Variants in SOX5 observed in about 807,000 individuals in gnomAD.
The protein encoded by SOX5 is transcription factor SOX-5.
Under a neutral mutation model 92.0 loss-of-function variants are expected in SOX5, and 9 were observed. That is an observed-to-expected ratio of 0.10 (90% CI 0.06 to 0.17). The LOEUF is 0.17. SOX5 is among the 10% of genes least tolerant of loss of function. The pLI, the probability that SOX5 is intolerant of heterozygous loss-of-function variation, is 1.00. For synonymous variants in SOX5, 344 were observed against 336.3 expected (o/e 1.02, Z -0.25); for missense variants, 642 against 944.5 (o/e 0.68, Z 4.20).
At chr12:23,841,446 C>T (rs2096514153) in intron 3 of SOX5, among the ~76,000 whole-genome samples, 1 of 152,040 alleles carries the variant, frequency 6.6e-6, no homozygotes, top group Non-Finnish European at 1.5e-5. Flanking sequence ...CCAGCATTCA[C>T]ATTCCCCAAT....
At chr12:24,375,594 G>A (rs986634411) in intron 1 of SOX5, among the ~76,000 whole-genome samples, 2 of 151,722 alleles carry the variant, frequency 1.3e-5, no homozygotes, top group African/African-American at 4.8e-5. Context: ...AAATTAGCTG[G>A]GCATGGTGGT....
intron 4 of SOX5, among the ~76,000 whole-genome samples, chr12:23,742,425 A>G (rs907546866): frequency 2.0e-5 from 3 of 152,158 alleles, no homozygotes; most frequent in Admixed American, 6.6e-5. Context: ...AATTTATTAT[A>G]TCTCAGATAT....
intron 4 of SOX5, among the ~76,000 whole-genome samples, chr12:24,179,651 A>C (rs1375752115): frequency 6.6e-6 from 1 of 152,190 alleles, no homozygotes; most frequent in African/African-American, 2.4e-5. Context: ...GATATTCAAC[A>C]CTTTATTTGA....
At chr12:23,674,302 T>C (rs1268415268) in intron 6 of SOX5, among the ~76,000 whole-genome samples, 1 of 150,840 alleles carries the variant, frequency 6.6e-6, no homozygotes, top group South Asian at 2.1e-4. Context: ...ACTAACGAAA[T>C]TAATTCCTAA....
intron 9 of SOX5, among the ~76,000 whole-genome samples, chr12:23,585,366 A>G (rs1950578242): frequency 6.6e-6 from 1 of 152,176 alleles, no homozygotes; most frequent in Non-Finnish European, 1.5e-5. Context: ...TAACAAAGCC[A>G]TTGTCAGGAA....
intron 6 of SOX5, among the ~76,000 whole-genome samples, chr12:23,715,616 T>C (rs774534705): frequency 6.6e-6 from 1 of 152,114 alleles, no homozygotes; most frequent in East Asian, 1.9e-4. Context: ...CATTAGTAGT[T>C]ATCCACTAAA....
chr12:24,005,428 A>G (rs567580718), intron 4 of SOX5, among the ~76,000 whole-genome samples: 2 of 152,252 alleles, frequency 1.3e-5, no homozygotes, highest in African/African-American at 2.4e-5. Flanking sequence ...ACATTTGCCC[A>G]CATTCTAATG....
intron 4 of SOX5, among the ~76,000 whole-genome samples, chr12:24,117,663 C>T (rs557579194): frequency 3.9e-5 from 6 of 152,092 alleles, no homozygotes; most frequent in East Asian, 1.9e-4. Context: ...CTGTCATTCA[C>T]GACCACATGA....
chr12:24,056,708 G>T (rs567573872), intron 4 of SOX5, among the ~76,000 whole-genome samples: 1 of 152,064 alleles, frequency 6.6e-6, no homozygotes, highest in South Asian at 2.1e-4. Context: ...GGGCGCGGTG[G>T]CTCACGCCTG....
chr12:23,682,741 T>C (rs1405049845), intron 6 of SOX5, among the ~76,000 whole-genome samples: 1 of 151,832 alleles, frequency 6.6e-6, no homozygotes, highest in Non-Finnish European at 1.5e-5. Context: ...GAATTCAAAA[T>C]ATTACATGTT....
chr12:24,256,630 C>T (rs943447246), intron 3 of SOX5, among the ~76,000 whole-genome samples: 3 of 108,168 alleles, frequency 2.8e-5, no homozygotes, highest in Admixed American at 1.5e-4. Context: ...GGGAGGGGAA[C>T]AGAGAGAGAG....
intron 4 of SOX5, among the ~76,000 whole-genome samples, chr12:24,115,895 G>A (rs559291737): frequency 1.8e-4 from 27 of 152,196 alleles, no homozygotes; most frequent in African/African-American, 4.6e-4. Flanking sequence ...AAGTAATGAT[G>A]ACAGAAACTG....
rs117410281 is a variant in SOX5 at position 23,818,192 on chromosome 12, T to C, written c.481+27791A>G. On this transcript the variant is annotated intron_variant, in intron 3 of 14. Coordinates refer to ENST00000451604, the MANE Select transcript of SOX5 (RefSeq NM_006940.6). ...CTTCTGAGAAATGTGTTAGGTGATG[T>C]TGTCATTATGTGAACATCCTAGAGG... Among the ~76,000 whole-genome samples, 792 of 152,280 alleles carry C rather than the reference T, an allele frequency of 5.2e-3. 3 individuals carry two copies. The highest frequency in any genetic ancestry group is 8.0e-3 in the Non-Finnish European group (547 of 68,028).
At chr12:24,433,003 C>G (rs1938662790) in intron 1 of SOX5, among the ~76,000 whole-genome samples, 1 of 152,096 alleles carries the variant, frequency 6.6e-6, no homozygotes, top group African/African-American at 2.4e-5. Flanking sequence ...GCAGTGATTT[C>G]TAAATCTACA....
intron 1 of SOX5, among the ~76,000 whole-genome samples, chr12:24,430,841 C>T (rs1451776297): frequency 6.6e-6 from 1 of 152,104 alleles, no homozygotes; most frequent in Non-Finnish European, 1.5e-5. Flanking sequence ...ACAGTAGAGA[C>T]GGTTCTGCCA....
chr12:24,058,416 T>A (rs1458069868), intron 4 of SOX5, among the ~76,000 whole-genome samples: 1 of 152,206 alleles, frequency 6.6e-6, no homozygotes, highest in Non-Finnish European at 1.5e-5. Flanking sequence ...CAGAGACCAG[T>A]ACTACCAATA....
chr12:24,470,667 C>A (rs1031606459), intron 1 of SOX5, among the ~76,000 whole-genome samples: 2 of 152,106 alleles, frequency 1.3e-5, no homozygotes, highest in Non-Finnish European at 2.9e-5. Flanking sequence ...AAATCAGTCC[C>A]TTACAATGAG....
chr12:23,700,970 CAA>C (rs997282881), intron 6 of SOX5, among the ~76,000 whole-genome samples: 12 of 150,314 alleles, frequency 8.0e-5, no homozygotes, highest in Admixed American at 1.3e-4. Context: ...TATATATATA[CAA>C]ACACACACAT....
chr12:24,226,464 T>A lies in SOX5; in HGVS notation c.-76-13047A>T, dbSNP rs1380957880. ...TACTGCATAGAGATCTTCCTCATTA[T>A]TTTATTTATTTATTTATTTATTTTG... On this transcript the variant is annotated intron_variant, in intron 3 of 4. Transcript: ENST00000446891. 2.0e-5 allele frequency among the ~76,000 whole-genome samples: 3 copies of A among 152,018 alleles called. No individual in the cohort carries two copies. The East Asian group carries it at 5.8e-4, about 29-fold the overall frequency.
Sources: gnomAD v4.1 joint callset for allele counts (sites outside exome capture counted in the v4.1 genomes callset) on GRCh38, gnomAD v4.1.1 for gene constraint, MANE v1.5 for transcripts, NCBI Gene and HGNC (gene_info 2026-07-23, HGNC 2026-07-21) for gene names.